The following CISD1 variants were observed in gnomAD, a reference collection of about 807,000 sequenced individuals.
CISD1 encodes the protein CDGSH iron-sulfur domain-containing protein 1.
Under a neutral mutation model 12.0 loss-of-function variants are expected in CISD1, and 8 were observed. That is an observed-to-expected ratio of 0.67 (90% confidence interval 0.39 to 1.20). The LOEUF is 1.20. Among genes scored for constraint, CISD1 ranks in the 50% most tolerant of loss-of-function variants. CISD1 has a pLI of 0.01. For missense variants in CISD1, 107 were observed against 132.7 expected, an observed-to-expected ratio of 0.81 and a Z score of 0.95; for synonymous variants, 38 against 42.2, an observed-to-expected ratio of 0.90 and a Z score of 0.39.
intron 2 of CISD1, among the ~76,000 whole-genome samples, chr10:58,282,312 G>T (rs1179109621): frequency 2.0e-5 from 3 of 152,078 alleles, no homozygotes; most frequent in Non-Finnish European, 4.4e-5. Flanking sequence ...TCCATGGATT[G>T]GTTCCAGGAC....
chr10:58,277,048 G>A, intron 1 of CISD1, 69 bp from the exon 2 acceptor site: 1 of 1,122,888 alleles, frequency 8.9e-7, no homozygotes, highest in East Asian at 2.4e-5. Flanking sequence ...TGGATTTTCT[G>A]ACATGCATGT....
In CISD1 at chr10:58,288,946, G is replaced by T. The variant is rs1839459566; in HGVS notation, c.*1296G>T. On this transcript the variant is annotated 3_prime_UTR_variant, in exon 3 of 3. Coordinates refer to ENST00000333926, the MANE Select transcript of CISD1 (RefSeq NM_018464.5). ...ACCTTGACAGGAATCAAACCTGACA[G>T]CAGCATATCCTATGTAATATATGAT... 1.3e-5 allele frequency: 2 copies of T among 152,184 alleles called. No homozygotes were observed. The highest frequency in any genetic ancestry group is 4.1e-4 in the South Asian group (2 of 4,830). 9.4% of individuals were successfully genotyped at this position (152,184 alleles called of 1,614,324 possible).
intron 1 of CISD1, among the ~76,000 whole-genome samples, chr10:58,276,803 C>G (rs1310000378): frequency 6.7e-6 from 1 of 148,442 alleles, no homozygotes; most frequent in East Asian, 2.0e-4. Context: ...TTAAAATTTA[C>G]TTATAAACAC....
Position 58,269,176 on chromosome 10 carries a change from G to C in CISD1, c.-98G>C. On this transcript the variant is annotated 5_prime_UTR_variant, in exon 1 of 3. Transcript: ENST00000333926. ...GCCTGCGCGGTAGCATCGCGGAGTC[G>C]GTGCTTTAGTACGCCGCTGGCACCT... The C allele has an allele frequency of 2.3e-6, 3 of 1,318,750 alleles. No homozygotes were observed. Among genetic ancestry groups the C allele is most frequent in the Admixed American group, 1.7e-5 (1 of 58,396 alleles). The allele number at this position is 1,318,750 out of a possible 1,614,324, so 81.7% of individuals were successfully genotyped here. A position where few individuals can be genotyped will look rare whatever the true frequency, so the allele number is the denominator to read the frequency against.
intron 2 of CISD1, among the ~76,000 whole-genome samples, chr10:58,284,481 G>A (rs898987574): frequency 2.2e-4 from 33 of 152,120 alleles, no homozygotes; most frequent in Admixed American, 2.2e-3. Context: ...CACCTAGTTT[G>A]CATTATAAAG....
At chr10:58,281,011 G>C (rs1341812499) in intron 2 of CISD1, among the ~76,000 whole-genome samples, 2 of 152,232 alleles carry the variant, frequency 1.3e-5, no homozygotes, top group African/African-American at 4.8e-5. Flanking sequence ...ACAGTGAATG[G>C]AAAGAAAAGT....
In CISD1 at chr10:58,288,177, C is replaced by T. The variant is rs140699213; in HGVS notation, c.*527C>T. On this transcript the variant is annotated 3_prime_UTR_variant, in exon 3 of 3. Coordinates refer to ENST00000333926, the MANE Select transcript of CISD1 (RefSeq NM_018464.5). The stretch of plus-strand genomic sequence containing the variant: ...AGAAAATATGGCTTCTGTTTTTCAC[C>T]GTTTTCAATCAAAATGATTGATAAA... 880 of 152,236 alleles carry T rather than the reference C, an allele frequency of 5.8e-3. 4 individuals are homozygous for T. Among genetic ancestry groups the T allele is most frequent in the Admixed American group, 0.011 (164 of 15,284 alleles). The allele number at this position is 152,236 out of a possible 1,614,324, so 9.4% of individuals were successfully genotyped here. A position where few individuals can be genotyped will look rare whatever the true frequency, so the allele number is the denominator to read the frequency against.
chr10:58,274,825 A>G (rs1206425720), intron 1 of CISD1, among the ~76,000 whole-genome samples: 2 of 152,180 alleles, frequency 1.3e-5, no homozygotes, highest in Non-Finnish European at 2.9e-5. Flanking sequence ...TTAAAAAAAA[A>G]AGTGACCTGT....
Position 58,288,908 on chromosome 10 carries a change from C to G in CISD1, c.*1258C>G, listed in dbSNP as rs570267533. On this transcript the variant is annotated 3_prime_UTR_variant, in exon 3 of 3. Transcript: ENST00000333926. ...GTAGTCAATCACAAATTTCTACTTG[C>G]TAAAATCCATTTACCTTGACAGGAA... The G allele has an allele frequency of 1.6e-4, 25 of 152,236 alleles. No homozygotes were observed. In the South Asian group the frequency reaches 4.8e-3, roughly 29 times the overall value. The allele number at this position is 152,236 out of a possible 1,614,324, so 9.4% of individuals were successfully genotyped here. A position where few individuals can be genotyped will look rare whatever the true frequency, so the allele number is the denominator to read the frequency against.
At position 58,288,294 on chromosome 10, in the gene CISD1, T is replaced by C. The variant is rs1211452188; in HGVS notation, c.*644T>C. On this transcript the variant is annotated 3_prime_UTR_variant, in exon 3 of 3. Transcript: ENST00000333926. ...TTCACAGATATTTAATGAAGATGGATCCATTAAAGGAGCCAATAGTGAAAA... is the reference window on the plus strand; with the variant it reads ...TTCACAGATATTTAATGAAGATGGACCCATTAAAGGAGCCAATAGTGAAAA... The C allele has an allele frequency of 1.3e-5, 2 of 152,324 alleles. No individual in the cohort carries two copies. The highest frequency in any genetic ancestry group is 2.1e-4 in the South Asian group (1 of 4,838). The allele number at this position is 152,324 out of a possible 1,614,324, so 9.4% of individuals were successfully genotyped here. A position where few individuals can be genotyped will look rare whatever the true frequency, so the allele number is the denominator to read the frequency against.
chr10:58,275,841 A>T (rs961881652), intron 1 of CISD1, among the ~76,000 whole-genome samples: 5 of 152,230 alleles, frequency 3.3e-5, no homozygotes, highest in Non-Finnish European at 5.9e-5. Flanking sequence ...ATGATCCTTT[A>T]TATTACAGTT....
At chr10:58,281,066 A>G (rs1839368901) in intron 2 of CISD1, among the ~76,000 whole-genome samples, 1 of 152,256 alleles carries the variant, frequency 6.6e-6, no homozygotes, top group African/African-American at 2.4e-5. Flanking sequence ...TTTGAGATCA[A>G]GTAAAGGGTG....
chr10:58,282,306 T>C (rs1239937308), intron 2 of CISD1, among the ~76,000 whole-genome samples: 1 of 152,178 alleles, frequency 6.6e-6, no homozygotes, highest in Non-Finnish European at 1.5e-5. Flanking sequence ...TCGGTGTCCA[T>C]GGATTGGTTC....
At chr10:58,277,068 G>T in intron 1 of CISD1, 49 bp from the exon 2 acceptor site, 1 of 1,283,110 alleles carries the variant, frequency 7.8e-7, no homozygotes, top group Non-Finnish European at 1.1e-6. Flanking sequence ...TGATATTATT[G>T]GTGTATATTT....
chr10:58,284,225 A>G (rs767828117), intron 2 of CISD1, among the ~76,000 whole-genome samples: 5 of 151,940 alleles, frequency 3.3e-5, no homozygotes, highest in Non-Finnish European at 7.4e-5. Flanking sequence ...AGTCCTAGCT[A>G]CTCAGGAGGC....
chr10:58,273,734 C>A (rs947362674), intron 1 of CISD1, among the ~76,000 whole-genome samples: 1 of 152,176 alleles, frequency 6.6e-6, no homozygotes, highest in African/African-American at 2.4e-5. Flanking sequence ...CATTTGTGAT[C>A]TTTAATGGTA....
intron 2 of CISD1, among the ~76,000 whole-genome samples, chr10:58,279,389 G>A (rs1839350570): frequency 6.6e-6 from 1 of 151,898 alleles, no homozygotes; most frequent in South Asian, 2.1e-4. Flanking sequence ...AAAGTCCCAA[G>A]CATTTATTTT....
At chr10:58,286,294 G>A (rs763497482) in intron 2 of CISD1, among the ~76,000 whole-genome samples, 3 of 151,970 alleles carry the variant, frequency 2.0e-5, no homozygotes, top group South Asian at 2.1e-4. Flanking sequence ...ATATCCCAGC[G>A]TAGTAGGCCG....
intron 2 of CISD1, among the ~76,000 whole-genome samples, chr10:58,279,358 A>G (rs1341284300): frequency 1.3e-5 from 2 of 151,960 alleles, no homozygotes; most frequent in Non-Finnish European, 2.9e-5. Context: ...TGGATTTCAG[A>G]TTTTCTTTTC....
Sources: gnomAD v4.1 joint callset for allele counts (sites outside exome capture counted in the v4.1 genomes callset) on GRCh38, gnomAD v4.1.1 for gene constraint, MANE v1.5 for transcripts, NCBI Gene and HGNC (gene_info 2026-07-23, HGNC 2026-07-21) for gene names.